Variants in SRP54 observed in about 807,000 individuals in gnomAD.
The protein encoded by SRP54 is signal recognition particle 54, also known as signal recognition particle subunit SRP54.
In SRP54, 10 loss-of-function variants were observed where a neutral mutation model predicts 64.8. That is an observed-to-expected ratio of 0.15 (90% CI 0.10 to 0.26). SRP54 has a LOEUF of 0.26. Among genes scored for constraint, SRP54 ranks in the 10% least tolerant of loss-of-function variants. The probability of loss-of-function intolerance (pLI) is 1.00; values close to 1 mark genes in which losing one functional copy is unlikely to be tolerated. For synonymous variants in SRP54, 193 were observed against 185.6 expected (o/e 1.04, Z -0.32); for missense variants, 325 against 613.7 (o/e 0.53, Z 4.97).
At chr14:35,022,418 G>A (rs1354067789) in intron 13 of SRP54, among the ~76,000 whole-genome samples, 6 of 151,590 alleles carry the variant, frequency 4.0e-5, no homozygotes, top group Non-Finnish European at 8.8e-5. Context: ...GTGCAATGGC[G>A]CAATCTTGGC....
At chr14:34,987,088 C>T (rs1184203990) in intron 1 of SRP54, among the ~76,000 whole-genome samples, 18 of 149,326 alleles carry the variant, frequency 1.2e-4, no homozygotes, top group East Asian at 4.0e-4. Context: ...AAAAATTAGC[C>T]GAGCATGGTG....
intron 3 of SRP54, among the ~76,000 whole-genome samples, chr14:35,000,391 C>T (rs1246078944): frequency 6.6e-6 from 1 of 151,910 alleles, no homozygotes; most frequent in Non-Finnish European, 1.5e-5. Context: ...CATGGTGAAA[C>T]CCTGTTTCTA....
At chr14:35,025,394 A>G (rs2044605356) in intron 14 of SRP54, among the ~76,000 whole-genome samples, 1 of 152,188 alleles carries the variant, frequency 6.6e-6, no homozygotes, top group African/African-American at 2.4e-5. Context: ...TGTGACAAAA[A>G]AATTAGACAA....
rs535691961 is a variant in SRP54, at chr14:35,014,868, C to G, written c.973+38C>G. 28 of 1,484,218 alleles carry G rather than the reference C, an allele frequency of 1.9e-5. No homozygotes were observed. In the South Asian group the frequency reaches 3.1e-4, roughly 16 times the overall value. The allele number at this position is 1,484,218 out of a possible 1,614,324, so 91.9% of individuals were successfully genotyped here. Reference sequence around the variant, plus strand: ...CAAAAAAGCACTTCATCTCAGATTTCTTCCATTGATTTTTTTTATAAAGTT... The same window carrying G: ...CAAAAAAGCACTTCATCTCAGATTTGTTCCATTGATTTTTTTTATAAAGTT... On this transcript the variant is annotated intron_variant, in intron 11 of 15. Transcript: ENST00000216774.
chr14:35,025,579 A>G (rs1265433084), intron 14 of SRP54, among the ~76,000 whole-genome samples: 6 of 152,228 alleles, frequency 3.9e-5, no homozygotes, highest in Non-Finnish European at 8.8e-5. Context: ...GAATAACCCA[A>G]GATGAAGTTG....
Position 34,999,000 on chromosome 14 carries a change from TG to T in SRP54, c.79-557del, listed in dbSNP as rs11267207. Reference sequence around the variant, plus strand: ...GTGTGTGTGTGTGTGTGTGTGTGTGTGTGTGTGTGTGTGGTTTTTTTTTTTT... The same window carrying T: ...GTGTGTGTGTGTGTGTGTGTGTGTGTTGTGTGTGTGTGGTTTTTTTTTTTT... On this transcript the variant is annotated intron_variant, in intron 2 of 15. Coordinates refer to ENST00000216774, the MANE Select transcript of SRP54 (RefSeq NM_003136.4). Among the ~76,000 whole-genome samples, 402 of 87,610 alleles carry T rather than the reference TG, an allele frequency of 4.6e-3. 36 individuals are homozygous for T. The highest frequency in any genetic ancestry group is 0.016 in the East Asian group (26 of 1,654). 57.5% of individuals were successfully genotyped at this position (87,610 alleles called of 152,430 possible). A position where few individuals can be genotyped will look rare whatever the true frequency, so the allele number is the denominator to read the frequency against.
At chr14:34,983,889 A>G (rs936929296) in intron 1 of SRP54, among the ~76,000 whole-genome samples, 3 of 152,256 alleles carry the variant, frequency 2.0e-5, no homozygotes, top group Non-Finnish European at 4.4e-5. Flanking sequence ...CTAGTTGCAT[A>G]TAAAGAGCTG....
intron 13 of SRP54, among the ~76,000 whole-genome samples, chr14:35,020,168 G>A (rs2044504078): frequency 6.6e-6 from 1 of 151,562 alleles, no homozygotes; most frequent in South Asian, 2.1e-4. Context: ...CTGGGCGACA[G>A]AGTGAGACTC....
intron 1 of SRP54, among the ~76,000 whole-genome samples, chr14:34,990,337 C>T (rs529352732): frequency 8.3e-4 from 127 of 152,276 alleles, no homozygotes; most frequent in African/African-American, 2.9e-3. Flanking sequence ...TTGCAGTTTC[C>T]AGCAGGTGTA....
Position 35,018,885 on chromosome 14 carries a change from A to G in SRP54, c.1048-81A>G, listed in dbSNP as rs573332920. ...AATATATCTAAGACTTAGTGTCAAT[A>G]TTAAACCTAATAGTTAAATGTGGAC... On this transcript the variant is annotated intron_variant, in intron 12 of 15. Transcript: ENST00000216774. The G allele has an allele frequency of 4.2e-4, 598 of 1,424,734 alleles. 6 individuals carry two copies. In the South Asian group the frequency reaches 6.9e-3, roughly 16 times the overall value. The allele number at this position is 1,424,734 out of a possible 1,614,324, so 88.3% of individuals were successfully genotyped here. A position where few individuals can be genotyped will look rare whatever the true frequency, so the allele number is the denominator to read the frequency against.
intron 8 of SRP54, among the ~76,000 whole-genome samples, chr14:35,012,424 G>A (rs927083372): frequency 6.6e-6 from 1 of 152,064 alleles, no homozygotes; most frequent in South Asian, 2.1e-4. Flanking sequence ...AGGAACCCAC[G>A]TCTTGACATT....
rs1336844016 is a variant in SRP54 at position 34,998,965 on chromosome 14, TTGTGTGTA to T, written c.79-585_79-578del. On this transcript the variant is annotated intron_variant, in intron 2 of 15. Coordinates refer to ENST00000216774, the MANE Select transcript of SRP54 (RefSeq NM_003136.4). ...CTTGAATATTGTCTTTATTATTACT[TTGTGTGTA>T]TGTGTGTGTGTGTGTGTGTGTGTGT... 2.9e-3 allele frequency among the ~76,000 whole-genome samples: 349 copies of T among 121,868 alleles called. 8 individuals carry two copies. The highest frequency in any genetic ancestry group is 5.6e-3 in the African/African-American group (201 of 35,580). The allele number at this position is 121,868 out of a possible 152,430, so 80.0% of individuals were successfully genotyped here. A position where few individuals can be genotyped will look rare whatever the true frequency, so the allele number is the denominator to read the frequency against.
intron 1 of SRP54, 143 bp from the exon 2 acceptor site, chr14:34,996,534 G>A: frequency 2.0e-6 from 1 of 510,280 alleles, no homozygotes; most frequent in Non-Finnish European, 3.5e-6. Context: ...TGACATGACT[G>A]TATTTAAGCA....
At chr14:35,005,563 A>G (rs1392002146) in intron 4 of SRP54, among the ~76,000 whole-genome samples, 1 of 151,844 alleles carries the variant, frequency 6.6e-6, no homozygotes, top group Non-Finnish European at 1.5e-5. Flanking sequence ...ACACCTGGCC[A>G]ATTCTTTAAA....
chr14:35,025,964 G>T (rs2044613824), intron 14 of SRP54, among the ~76,000 whole-genome samples: 1 of 151,634 alleles, frequency 6.6e-6, no homozygotes, highest in Non-Finnish European at 1.5e-5. Flanking sequence ...GCCAAGGCAG[G>T]AGGATCCCAT....
chr14:34,995,134 GGTGTGTGTGTGTGTGTGTGTGTGTGT>G lies in SRP54; in HGVS notation c.-33-1514_-33-1489del, dbSNP rs35829734. Among the ~76,000 whole-genome samples the G allele has an allele frequency of 5.7e-5, 4 of 70,324 alleles. 1 individual carries two copies. The highest frequency in any genetic ancestry group is 1.2e-4 in the Non-Finnish European group (4 of 34,510). 46.1% of individuals were successfully genotyped at this position (70,324 alleles called of 152,430 possible). A position where few individuals can be genotyped will look rare whatever the true frequency, so the allele number is the denominator to read the frequency against. On this transcript the variant is annotated intron_variant, in intron 1 of 15. Transcript: ENST00000216774. The stretch of plus-strand genomic sequence containing the variant: ...TTCCAGAGAAGCAGAATCAATAAAG[GGTGTGTGTGTGTGTGTGTGTGTGTGT>G]GTGTGTGTGTGTGTGTGTGTGTGTG...
chr14:34,988,321 T>C (rs1477985221), intron 1 of SRP54, among the ~76,000 whole-genome samples: 1 of 151,486 alleles, frequency 6.6e-6, no homozygotes, highest in Non-Finnish European at 1.5e-5. Context: ...CCTAGCACTT[T>C]GGGAGGCTGA....
At chr14:34,996,159 G>C (rs898777512) in intron 1 of SRP54, among the ~76,000 whole-genome samples, 1 of 151,908 alleles carries the variant, frequency 6.6e-6, no homozygotes, top group East Asian at 1.9e-4. Context: ...TTAGTATAGC[G>C]CTTCGATATA....
Position 35,029,127 on chromosome 14 carries a change from G to T in SRP54, c.1490G>T (p.Gly497Val). 1 of 1,613,764 alleles carries T rather than the reference G, an allele frequency of 6.2e-7. No individual in the cohort carries two copies. Among genetic ancestry groups the T allele is most frequent in the Non-Finnish European group, 8.5e-7 (1 of 1,179,916 alleles). Residue 497 changes from glycine to valine, a missense_variant, in exon 16 of 16, where the codon GGC becomes GTC. Gly to Val is a moderately radical substitution (Grantham distance 109). Transcript: ENST00000216774. ...FQQGAAGNMKGMMGFNNM is the reference protein window; with the variant it reads ...FQQGAAGNMKVMMGFNNM ...CAGGGTGCTGCTGGCAACATGAAAG[G>T]CATGATGGGATTCAATAATATGTAA...
Sources: allele counts gnomAD v4.1 joint callset (sites outside exome capture counted in the v4.1 genomes callset), GRCh38; gene constraint gnomAD v4.1.1; transcripts MANE v1.5; gene names NCBI Gene and HGNC (gene_info 2026-07-23, HGNC 2026-07-21).